Variants in AP1G2 observed in about 807,000 individuals in gnomAD.
AP1G2 encodes the protein AP-1 complex subunit gamma-like 2.
In AP1G2, 85 loss-of-function variants were observed where a neutral mutation model predicts 95.8. The observed-to-expected ratio is 0.89, with a 90% CI of 0.74 to 1.06. AP1G2 has a LOEUF of 1.06. AP1G2 is among the 50% of genes least tolerant of loss of function. AP1G2 has a pLI of 0.00. For missense variants in AP1G2, 967 were observed against 1,005.8 expected (o/e 0.96, Z 0.52); for synonymous variants, 378 against 400.0 (o/e 0.94, Z 0.66).
At chr14:23,565,284 G>A in intron 7 of AP1G2, 85 bp from the exon 8 acceptor site, 1 of 1,393,996 alleles carries the variant, frequency 7.2e-7, no homozygotes, top group Non-Finnish European at 1.0e-6. Context: ...AACATGTGAG[G>A]GTCTGGCTCG....
Position 23,566,334 on chromosome 14 carries a change from G to C in AP1G2, c.415C>G (p.Leu139Val), listed in dbSNP as rs764461327. Residue 139 changes from leucine to valine, a missense_variant, in exon 4 of 22, where the codon CTG (leucine) becomes GTG (valine). Physicochemically the swap from Leu to Val is conservative, Grantham distance 32. Coordinates refer to ENST00000397120, the MANE Select transcript of AP1G2 (RefSeq NM_003917.5). ...AGCAGTTTCTCCACCTCTGGGGCCA[G>C]GTCTCGGCACATCTCAGCAGAGCCC... The part of the protein sequence containing the change: ...TMGSAEMCRD[L>V]APEVEKLLLQ... The C allele has an allele frequency of 1.2e-6, 2 of 1,614,044 alleles. No homozygotes were observed. Among genetic ancestry groups the C allele is most frequent in the Non-Finnish European group, 1.7e-6 (2 of 1,180,038 alleles).
At chr14:23,563,254 G>A in intron 14 of AP1G2, 126 bp downstream of exon 14, 4 of 1,471,476 alleles carry the variant, frequency 2.7e-6, no homozygotes, top group East Asian at 2.5e-5. Context: ...GTGCTCAGAT[G>A]TCTTCTGCAC....
rs1884523925 is a variant in AP1G2 at position 23,561,356 on chromosome 14, G to C, written c.1933C>G (p.Pro645Ala). Residue 645 changes from proline (P) to alanine (A), a missense_variant, in exon 19 of 22, where the codon CCC becomes GCC. Coordinates refer to ENST00000397120, the MANE Select transcript of AP1G2 (RefSeq NM_003917.5). ...GDVQHPPHLDPSPGGALVHLL... is the reference protein window; with the variant it reads ...GDVQHPPHLDASPGGALVHLL... The stretch of plus-strand genomic sequence containing the variant: ...TGTACCAGGGCACCTCCTGGGGAGG[G>C]GTCCAGATGGGGAGGATGCTGGACA... The C allele has an allele frequency of 6.3e-7, 1 of 1,590,350 alleles. No homozygotes were observed. Among genetic ancestry groups the C allele is most frequent in the Non-Finnish European group, 8.6e-7 (1 of 1,166,794 alleles).
chr14:23,564,729 T>A, intron 8 of AP1G2, 69 bp from the exon 9 acceptor site: 1 of 1,419,522 alleles, frequency 7.0e-7, no homozygotes, highest in Non-Finnish European at 9.9e-7. Flanking sequence ...TGATACAGGG[T>A]CTCACTCTGT....
rs973941199 is a variant in AP1G2, at chr14:23,564,077, A to G, written c.1060T>C (p.Cys354Arg). 1 of 1,614,182 alleles carries G rather than the reference A, an allele frequency of 6.2e-7. No individual in the cohort carries two copies. Among genetic ancestry groups the G allele is most frequent in the Non-Finnish European group, 8.5e-7 (1 of 1,180,036 alleles). Residue 354 changes from cysteine (C) to arginine (R), a missense_variant, in exon 11 of 22, where the codon TGT (cysteine) becomes CGT (arginine). By Grantham distance (180) the Cys-to-Arg change is radical (BLOSUM62 -3). Transcript: ENST00000397120. Reference sequence around the variant, plus strand: ...AGGGAGGCATCAGTTTCCCGTAGACATTCCACCACAGTGGGCCGATGCCGC... The same window carrying G: ...AGGGAGGCATCAGTTTCCCGTAGACGTTCCACCACAGTGGGCCGATGCCGC... Reference protein sequence around the residue: ...VQRHRPTVVECLRETDASLSR... With the variant: ...VQRHRPTVVERLRETDASLSR...
At chr14:23,566,224 T>C (rs758700535) in intron 4 of AP1G2, 54 bp downstream of exon 4, 20 of 1,607,356 alleles carry the variant, frequency 1.2e-5, no homozygotes, top group Non-Finnish European at 1.7e-5. Flanking sequence ...TACTACTATA[T>C]AGCACGCAGC....
Position 23,562,213 on chromosome 14 carries a change from A to G in AP1G2, c.1628+75T>C, listed in dbSNP as rs542059161. On this transcript the variant is annotated intron_variant, in intron 16 of 21. Transcript: ENST00000397120. The stretch of plus-strand genomic sequence containing the variant: ...AGGGGGTAGGGAGGGCTGGGCATGT[A>G]TGCCTGGAAAGAAACTCAAAAATGG... The G allele has an allele frequency of 3.1e-4, 503 of 1,602,680 alleles. 2 individuals carry two copies. The African/African-American group carries it at 5.9e-3, about 19-fold the overall frequency.
At chr14:23,563,005 G>A in intron 14 of AP1G2, 1 of 1,030,254 alleles carries the variant, frequency 9.7e-7, no homozygotes, top group Non-Finnish European at 1.2e-6. Flanking sequence ...GATGCTTTCT[G>A]CCCACCCTAT....
chr14:23,564,345 T>C lies in AP1G2; in HGVS notation c.965A>G (p.Asp322Gly). 1.2e-6 allele frequency: 2 copies of C among 1,614,190 alleles called. No homozygotes were observed. The highest frequency in any genetic ancestry group is 1.7e-6 in the Non-Finnish European group (2 of 1,180,036). ...TTGGGACTATTACCTAATGTTCCTG[T>C]CACTGTTGAGTAGGAAGCGACCAAG... ...NILGRFLLNS[D>G]RNIRYVALTS... Residue 322 changes from aspartate to glycine, a missense_variant, in exon 10 of 22, where the codon GAC (aspartate) becomes GGC (glycine). Physicochemically the swap from Asp to Gly is moderately conservative, Grantham distance 94. Coordinates refer to ENST00000397120, the MANE Select transcript of AP1G2 (RefSeq NM_003917.5).
rs747062603 is a variant in AP1G2, at chr14:23,561,306, A to G, written c.1983T>C (p.Pro661=). The change falls in exon 19 of 22, where the codon CCT becomes CCC. Residue 661 remains proline, a synonymous_variant. Transcript: ENST00000397120. ...TTTGCTTAGGCTTACCTGGGGGTGG[A>G]GGTACACAGGGAAGGTCAAGCAGGT... The part of the protein sequence containing the change: ...LVHLLDLPCV[P]PPPAPIPDLK... 1.4e-5 allele frequency: 22 copies of G among 1,536,662 alleles called. No homozygotes were observed. The highest frequency in any genetic ancestry group is 2.1e-5 in the Admixed American group (1 of 47,374).
At chr14:23,560,206 TTTTC>T in intron 20 of AP1G2, 45 bp downstream of exon 20, 2 of 1,599,498 alleles carry the variant, frequency 1.3e-6, no homozygotes, top group Non-Finnish European at 1.7e-6. Context: ...CTTAGTGGCC[TTTTC>T]TCCTGGAGTC....
rs777771979 is a variant in AP1G2, at chr14:23,559,816, T to C, written c.2291A>G (p.Asp764Gly). 1.2e-6 allele frequency: 2 copies of C among 1,614,074 alleles called. No individual in the cohort carries two copies. Among genetic ancestry groups the C allele is most frequent in the Admixed American group, 1.7e-5 (1 of 60,020 alleles). The change falls in exon 22 of 22, where the codon GAC becomes GGC. Residue 764 changes from aspartate to glycine, a missense_variant. Physicochemically the swap from Asp to Gly is moderately conservative, Grantham distance 94. Transcript: ENST00000397120. ...CTCCTGCACCGACTGGTGAAAGTGG[T>C]CGTAGGTGAGGCGCAGCTTTAGCCG... ...PLRLKLRLTY[D>G]HFHQSVQEIF...
In AP1G2 at chr14:23,560,341, G is replaced by C; in HGVS notation, c.2071C>G (p.Pro691Ala). ...GTGATGGTGATTAACAGCAAAGCAG[G>C]GTTTTCAGGGGGTCGAATGAAAGAC... ...NLSFIRPPEN[P>A]ALLLITITAT... The change falls in exon 20 of 22, where the codon CCT becomes GCT. Residue 691 changes from proline to alanine, a missense_variant. Pro to Ala is a conservative substitution (Grantham distance 27, BLOSUM62 -1). Coordinates refer to ENST00000397120, the MANE Select transcript of AP1G2 (RefSeq NM_003917.5). 1 of 1,614,112 alleles carries C rather than the reference G, an allele frequency of 6.2e-7. No homozygotes were observed.
chr14:23,567,606 C>G lies in AP1G2; in HGVS notation c.-6+133G>C, dbSNP rs1303382489. On this transcript the variant is annotated intron_variant, in intron 1 of 21. Coordinates refer to ENST00000397120, the MANE Select transcript of AP1G2 (RefSeq NM_003917.5). This position sits in a 1 kb window ranked among gnomAD's most constrained non-coding sequence, Gnocchi z 5.3. Reference sequence around the variant, plus strand: ...CGTTTCCTCCCCCTACCTGGTACCCCATCCCTAGCTCAGCCATTGCTTTTT... The same window carrying G: ...CGTTTCCTCCCCCTACCTGGTACCCGATCCCTAGCTCAGCCATTGCTTTTT... 3.3e-6 allele frequency: 4 copies of G among 1,204,764 alleles called. No homozygotes were observed. Among genetic ancestry groups the G allele is most frequent in the Admixed American group, 9.3e-5 (2 of 21,464 alleles). The allele number at this position is 1,204,764 out of a possible 1,614,324, so 74.6% of individuals were successfully genotyped here.
In AP1G2 at chr14:23,566,434, A is replaced by G; in HGVS notation, c.330-15T>C. The G allele has an allele frequency of 1.2e-6, 2 of 1,611,610 alleles. No individual in the cohort carries two copies. Among genetic ancestry groups the G allele is most frequent in the Non-Finnish European group, 1.7e-6 (2 of 1,178,152 alleles). Reference sequence around the variant, plus strand: ...GGCTCAGGTCACTGCAGGGTTTGGGAGGACGGTCAGTCAAACCTCTGAGAA... The same window carrying G: ...GGCTCAGGTCACTGCAGGGTTTGGGGGGACGGTCAGTCAAACCTCTGAGAA... On this transcript the variant is annotated splice_polypyrimidine_tract_variant and intron_variant, in intron 3 of 21. Coordinates refer to ENST00000397120, the MANE Select transcript of AP1G2 (RefSeq NM_003917.5).
intron 3 of AP1G2, 71 bp downstream of exon 3, chr14:23,566,491 G>A: frequency 6.2e-7 from 1 of 1,607,352 alleles, no homozygotes; most frequent in Non-Finnish European, 8.5e-7. Context: ...ACAACAGGCA[G>A]TCCCCTGGGA....
Position 23,567,418 on chromosome 14 carries a change from C to T in AP1G2, c.-5-99G>A. On this transcript the variant is annotated intron_variant, in intron 1 of 21. Transcript: ENST00000397120. This position sits in a 1 kb window ranked among gnomAD's most constrained non-coding sequence, Gnocchi z 5.3. ...GTCAAGACCCTAAGAGCCCGGGTCC[C>T]ACAGGTACCCTAAAATTGCGCCCGC... The T allele has an allele frequency of 6.9e-7, 1 of 1,441,566 alleles. No homozygotes were observed. The highest frequency in any genetic ancestry group is 1.4e-5 in the South Asian group (1 of 71,214). The allele number at this position is 1,441,566 out of a possible 1,614,324, so 89.3% of individuals were successfully genotyped here.
Position 23,561,441 on chromosome 14 carries a change from G to A in AP1G2, c.1858-10C>T. ...CCAGGAGCTGTGAGGCCTGGCAGAAGGGACAGAAGGGGCAGGGCTGGGTAT... is the reference window on the plus strand; with the variant it reads ...CCAGGAGCTGTGAGGCCTGGCAGAAAGGACAGAAGGGGCAGGGCTGGGTAT... On this transcript the variant is annotated splice_polypyrimidine_tract_variant and intron_variant, in intron 18 of 21. Coordinates refer to ENST00000397120, the MANE Select transcript of AP1G2 (RefSeq NM_003917.5). The A allele has an allele frequency of 6.2e-7, 1 of 1,611,918 alleles. No individual in the cohort carries two copies. Among genetic ancestry groups the A allele is most frequent in the Non-Finnish European group, 8.5e-7 (1 of 1,178,290 alleles).
At chr14:23,560,214 T>G in intron 20 of AP1G2, 41 bp downstream of exon 20, 1 of 1,606,036 alleles carries the variant, frequency 6.2e-7, no homozygotes, top group East Asian at 2.2e-5. Context: ...CCTTTTCTCC[T>G]GGAGTCCCCA....
Sources: allele counts gnomAD v4.1 joint callset, GRCh38; gene constraint gnomAD v4.1.1; non-coding constraint Gnocchi (gnomAD v3.1); transcripts MANE v1.5; gene names NCBI Gene and HGNC (gene_info 2026-07-23, HGNC 2026-07-21).